NRCAM: variants seen among roughly 807,000 people sequenced by gnomAD.
The protein encoded by NRCAM is NgCAM-related cell adhesion molecule.
A neutral mutation model predicts 156.5 loss-of-function variants in NRCAM; 83 were observed. That is an observed-to-expected ratio of 0.53 (90% CI 0.44 to 0.64). The LOEUF (loss-of-function observed/expected upper bound fraction) is 0.64. NRCAM is among the 30% of genes least tolerant of loss of function. The pLI, the probability that NRCAM is intolerant of heterozygous loss-of-function variation, is 0.00. For synonymous variants in NRCAM, 538 were observed against 563.9 expected, an observed-to-expected ratio of 0.95 and a Z score of 0.65; for missense variants, 1,417 against 1,597.3, an observed-to-expected ratio of 0.89 and a Z score of 1.92.
At chr7:108,238,577 G>A (rs919605468) in intron 4 of NRCAM, among the ~76,000 whole-genome samples, 1 of 152,104 alleles carries the variant, frequency 6.6e-6, no homozygotes, top group Non-Finnish European at 1.5e-5. Flanking sequence ...AATTGAGTTA[G>A]CCATAGGTGA....
intron 2 of NRCAM, among the ~76,000 whole-genome samples, chr7:108,365,144 T>A (rs2099584228): frequency 6.6e-6 from 1 of 152,136 alleles, no homozygotes; most frequent in Non-Finnish European, 1.5e-5. Context: ...ATTTAACATA[T>A]ATATATTTTT....
chr7:108,418,560 T>TACACACACACACACAC (rs59582056), intron 1 of NRCAM, among the ~76,000 whole-genome samples: 18 of 143,732 alleles, frequency 1.3e-4, no homozygotes, highest in African/African-American at 2.6e-4. Flanking sequence ...ATACATATTA[T>TACACACACACACACAC]ACACACACAC....
intron 1 of NRCAM, among the ~76,000 whole-genome samples, chr7:108,401,610 CTG>C (rs1211389823): frequency 6.6e-6 from 1 of 152,208 alleles, no homozygotes; most frequent in Non-Finnish European, 1.5e-5. Flanking sequence ...GAGCTAGACA[CTG>C]TGCCAAGAAG....
intron 2 of NRCAM, among the ~76,000 whole-genome samples, chr7:108,317,521 G>C (rs149500988): frequency 1.2e-4 from 19 of 152,314 alleles, no homozygotes; most frequent in Non-Finnish European, 2.4e-4. Flanking sequence ...TTATATGGCA[G>C]ATAGTGAGAA....
intron 5 of NRCAM, among the ~76,000 whole-genome samples, chr7:108,237,071 T>C (rs924410603): frequency 7.2e-5 from 11 of 152,204 alleles, no homozygotes; most frequent in African/African-American, 2.7e-4. Flanking sequence ...ACAGTGATTT[T>C]ACATAATTTT....
At chr7:108,159,367 T>C in intron 32 of NRCAM, 96 bp downstream of exon 32, 1 of 1,035,590 alleles carries the variant, frequency 9.7e-7, no homozygotes, top group Admixed American at 1.7e-5. Flanking sequence ...GAGGAAAATA[T>C]GAGATGCCAG....
intron 2 of NRCAM, among the ~76,000 whole-genome samples, chr7:108,339,032 C>CA (rs2099243584): frequency 6.6e-6 from 1 of 151,964 alleles, no homozygotes; most frequent in South Asian, 2.1e-4. Flanking sequence ...TATTCTAAGT[C>CA]AAAAAAGCAA....
rs2099766833 is a variant in NRCAM, at chr7:108,393,272, CCCCTCCCCCA to C, written c.-174+6154_-174+6163del. On this transcript the variant is annotated intron_variant, in intron 2 of 32. Transcript: ENST00000379028. Reference sequence around the variant, plus strand: ...ACTCAAGCCTCAGTAATGGTGGGCGCCCCTCCCCCAGCCTCGCTGCCACCTTGCAGATCGA... The same window carrying C: ...ACTCAAGCCTCAGTAATGGTGGGCGCGCCTCGCTGCCACCTTGCAGATCGA... Among the ~76,000 whole-genome samples, 2 of 152,168 alleles carry C rather than the reference CCCCTCCCCCA, an allele frequency of 1.3e-5. 1 individual carries two copies. Among genetic ancestry groups the C allele is most frequent in the South Asian group, 4.2e-4 (2 of 4,818 alleles).
At chr7:108,405,474 C>A (rs2099804665) in intron 1 of NRCAM, among the ~76,000 whole-genome samples, 1 of 152,170 alleles carries the variant, frequency 6.6e-6, no homozygotes, top group African/African-American at 2.4e-5. Flanking sequence ...ATAAGGTGGA[C>A]ATTATTGCAA....
intron 2 of NRCAM, among the ~76,000 whole-genome samples, chr7:108,349,371 C>A (rs2099394947): frequency 6.6e-6 from 1 of 151,924 alleles, no homozygotes. Context: ...TGGGTTCACA[C>A]CATTCTCCTG....
chr7:108,300,969 A>T (rs1180306484), intron 3 of NRCAM, among the ~76,000 whole-genome samples: 1 of 152,150 alleles, frequency 6.6e-6, no homozygotes, highest in Admixed American at 6.5e-5. Context: ...ATTTTTGTTA[A>T]AAATAGTTCT....
intron 1 of NRCAM, among the ~76,000 whole-genome samples, chr7:108,435,031 T>TA (rs1473377790): frequency 1.1e-4 from 1 of 9,064 alleles, no homozygotes; most frequent in Non-Finnish European, 1.8e-4. Flanking sequence ...TCATACATGG[T>TA]AGGAAAAAAA....
intron 32 of NRCAM, chr7:108,156,513 G>A (rs1323154783): frequency 1.5e-6 from 1 of 676,320 alleles, no homozygotes; most frequent in Non-Finnish European, 1.8e-6. Context: ...CTGCTTGGGG[G>A]TGGGTGTCAG....
At chr7:108,299,139 A>ACAG (rs2098534169) in intron 3 of NRCAM, among the ~76,000 whole-genome samples, 2 of 108,784 alleles carry the variant, frequency 1.8e-5, no homozygotes, top group Non-Finnish European at 3.9e-5. Flanking sequence ...AGAAAGAAAG[A>ACAG]AAAGAAAAGT....
At chr7:108,355,056 G>T (rs1045860374) in intron 2 of NRCAM, among the ~76,000 whole-genome samples, 7 of 152,296 alleles carry the variant, frequency 4.6e-5, no homozygotes, top group Admixed American at 3.3e-4. Flanking sequence ...GTTTTAGAGA[G>T]CTCTGCTCCT....
At chr7:108,438,134 CTT>C (rs890844639) in intron 1 of NRCAM, among the ~76,000 whole-genome samples, 1 of 151,704 alleles carries the variant, frequency 6.6e-6, no homozygotes, top group Non-Finnish European at 1.5e-5. Flanking sequence ...CTTCCACAAA[CTT>C]TTTCAAAAAA....
intron 29 of NRCAM, among the ~76,000 whole-genome samples, chr7:108,167,978 T>C (rs563560340): frequency 6.6e-6 from 1 of 152,348 alleles, no homozygotes; most frequent in East Asian, 1.9e-4. Flanking sequence ...TAATTATTCC[T>C]TCTTACTCTT....
At chr7:108,238,306 CT>C (rs2095271520) in intron 4 of NRCAM, among the ~76,000 whole-genome samples, 1 of 152,166 alleles carries the variant, frequency 6.6e-6, no homozygotes, top group Admixed American at 6.5e-5. Flanking sequence ...ATTAATTGAA[CT>C]TTTTAGACTG....
chr7:108,406,589 T>C (rs1344508916), intron 1 of NRCAM, among the ~76,000 whole-genome samples: 2 of 152,238 alleles, frequency 1.3e-5, no homozygotes, highest in African/African-American at 4.8e-5. Flanking sequence ...CAACAGCCCA[T>C]ATGCAGCAAC....
Sources: gnomAD v4.1 joint callset for allele counts (sites outside exome capture counted in the v4.1 genomes callset) on GRCh38, gnomAD v4.1.1 for gene constraint, MANE v1.5 for transcripts, NCBI Gene and HGNC (gene_info 2026-07-23, HGNC 2026-07-21) for gene names.